GRM8: variants seen among roughly 807,000 people sequenced by gnomAD.
GRM8 encodes the protein metabotropic glutamate receptor 8.
GRM8 carries 47 observed loss-of-function variants against 87.2 expected under a neutral mutation model. The observed-to-expected ratio is 0.54, with a 90% CI of 0.43 to 0.69. GRM8 has a LOEUF of 0.69. Among genes scored for constraint, GRM8 ranks in the 30% least tolerant of loss-of-function variants. The pLI, the probability that GRM8 is intolerant of heterozygous loss-of-function variation, is 0.00. For synonymous variants in GRM8, 396 were observed against 404.5 expected (o/e 0.98, Z 0.25); for missense variants, 1,019 against 1,139.2 (o/e 0.89, Z 1.52).
chr7:126,768,357 T>TAAAAA (rs57868820), intron 7 of GRM8, among the ~76,000 whole-genome samples: 1,332 of 53,468 alleles, frequency 0.025, 228 homozygotes, highest in African/African-American at 0.096. Context: ...TTTGATAATG[T>TAAAAA]AAAAAAAAAA....
chr7:126,640,735 T>A (rs1443179105), intron 7 of GRM8, among the ~76,000 whole-genome samples: 2 of 151,752 alleles, frequency 1.3e-5, no homozygotes, highest in Non-Finnish European at 2.9e-5. Flanking sequence ...TTCTGGACCT[T>A]CCCCCCCTCC....
intron 7 of GRM8, among the ~76,000 whole-genome samples, chr7:126,709,139 T>C (rs1810844984): frequency 6.6e-6 from 1 of 152,120 alleles, no homozygotes; most frequent in African/African-American, 2.4e-5. Context: ...TAGACGTATT[T>C]CCAAAGAAAA....
At chr7:126,615,932 T>G (rs1369062986) in intron 7 of GRM8, among the ~76,000 whole-genome samples, 1 of 152,148 alleles carries the variant, frequency 6.6e-6, no homozygotes, top group Admixed American at 6.5e-5. Context: ...AATGGGAGAC[T>G]TTAACACCCC....
chr7:127,185,172 A>G (rs1296218727), intron 2 of GRM8, among the ~76,000 whole-genome samples: 1 of 152,112 alleles, frequency 6.6e-6, no homozygotes, highest in African/African-American at 2.4e-5. Flanking sequence ...CAGTAAAGTA[A>G]GCTTGAACGA....
chr7:127,246,608 C>T (rs1798595571), intron 1 of GRM8, among the ~76,000 whole-genome samples: 1 of 152,160 alleles, frequency 6.6e-6, no homozygotes, highest in Non-Finnish European at 1.5e-5. Context: ...CCCTTACTTA[C>T]AGGGCACATC....
intron 3 of GRM8, among the ~76,000 whole-genome samples, chr7:126,999,765 G>A (rs1813539650): frequency 6.6e-6 from 1 of 151,714 alleles, no homozygotes; most frequent in African/African-American, 2.4e-5. Context: ...TCAAGAAAAG[G>A]GAGCCCTGGT....
At chr7:127,123,631 T>C (rs1428864203) in intron 2 of GRM8, among the ~76,000 whole-genome samples, 1 of 152,166 alleles carries the variant, frequency 6.6e-6, no homozygotes, top group East Asian at 1.9e-4. Context: ...AAATTATTCT[T>C]AGCCTCAGGT....
At chr7:127,052,511 AC>A (rs956498217) in intron 3 of GRM8, among the ~76,000 whole-genome samples, 3 of 152,230 alleles carry the variant, frequency 2.0e-5, no homozygotes. Flanking sequence ...TAAAAATAAA[AC>A]CAGAAAAGTT....
At chr7:127,025,650 TA>T (rs1170957352) in intron 3 of GRM8, among the ~76,000 whole-genome samples, 2 of 152,054 alleles carry the variant, frequency 1.3e-5, no homozygotes, top group African/African-American at 2.4e-5. Flanking sequence ...TATTTACATT[TA>T]TTTTTTTTCA....
chr7:126,888,630 G>C (rs2131061217), intron 6 of GRM8, among the ~76,000 whole-genome samples: 1 of 152,140 alleles, frequency 6.6e-6, no homozygotes, highest in Non-Finnish European at 1.5e-5. Flanking sequence ...TGCTGAATTG[G>C]CATATCTGGA....
chr7:127,204,401 GA>G (rs1795789392), intron 2 of GRM8, among the ~76,000 whole-genome samples: 1 of 152,176 alleles, frequency 6.6e-6, no homozygotes, highest in South Asian at 2.1e-4. Flanking sequence ...GTTCCACCAA[GA>G]TTTCCCAAAG....
intron 6 of GRM8, among the ~76,000 whole-genome samples, chr7:126,792,795 G>A (rs947365450): frequency 2.0e-5 from 3 of 152,162 alleles, no homozygotes; most frequent in Non-Finnish European, 4.4e-5. Context: ...AGAAGTAGCT[G>A]CACTTTCTAA....
chr7:126,912,984 G>C (rs141529361), intron 3 of GRM8, among the ~76,000 whole-genome samples: 4 of 152,002 alleles, frequency 2.6e-5, no homozygotes, highest in South Asian at 4.2e-4. Flanking sequence ...CATTCTTTCT[G>C]GTTTTTCAAT....
chr7:127,165,515 G>T (rs1027177446), intron 2 of GRM8, among the ~76,000 whole-genome samples: 2 of 151,880 alleles, frequency 1.3e-5, no homozygotes, highest in Admixed American at 1.3e-4. Context: ...TTCCAAACCT[G>T]CCTTTTCCTT....
chr7:126,890,585 A>G (rs1377487137), intron 6 of GRM8, among the ~76,000 whole-genome samples: 2 of 151,992 alleles, frequency 1.3e-5, no homozygotes, highest in African/African-American at 4.8e-5. Flanking sequence ...CACAGCCTCA[A>G]ACTACTGCCT....
rs142729076 is a variant in GRM8 at position 126,519,563 on chromosome 7, A to C, written c.2430+13389T>G. ...AATTCAAGCTCCACGATGGCAGGCC[A>C]CTTCTGGCTCAAACAGTGCTGTTAG... On this transcript the variant is annotated intron_variant, in intron 9 of 10. Transcript: ENST00000339582. 2.4e-4 allele frequency among the ~76,000 whole-genome samples: 36 copies of C among 152,228 alleles called. No individual in the cohort carries two copies. The East Asian group carries it at 6.2e-3, about 26-fold the overall frequency.
chr7:126,465,428 T>C (rs1265920402), intron 9 of GRM8: 1 of 151,678 alleles, frequency 6.6e-6, no homozygotes, highest in African/African-American at 2.4e-5. Context: ...ATCTCGGTAT[T>C]TGATATCTTT....
chr7:126,879,100 T>C (rs1314481280), intron 6 of GRM8, among the ~76,000 whole-genome samples: 2 of 147,544 alleles, frequency 1.4e-5, no homozygotes, highest in East Asian at 4.1e-4. Context: ...AAGGTGGAGG[T>C]TGCAGTGAGC....
chr7:126,727,170 T>G (rs1043899244), intron 7 of GRM8, among the ~76,000 whole-genome samples: 4 of 151,774 alleles, frequency 2.6e-5, no homozygotes, highest in African/African-American at 9.7e-5. Context: ...AATATTTACA[T>G]ACAATATTAA....
Sources: gnomAD v4.1 joint callset for allele counts (sites outside exome capture counted in the v4.1 genomes callset) on GRCh38, gnomAD v4.1.1 for gene constraint, MANE v1.5 for transcripts, NCBI Gene and HGNC (gene_info 2026-07-23, HGNC 2026-07-21) for gene names.